Variants in EMILIN2 observed in about 807,000 individuals in gnomAD.
EMILIN2 encodes the protein elastin microfibril interfacer 2, also known as EMILIN-2.
A neutral mutation model predicts 87.1 loss-of-function variants in EMILIN2; 71 were observed. The observed-to-expected ratio is 0.82, with a 90% CI of 0.67 to 0.99. The LOEUF (loss-of-function observed/expected upper bound fraction) is 0.99. EMILIN2 is among the 50% of genes least tolerant of loss of function. EMILIN2 has a pLI of 0.00. For missense variants in EMILIN2, 1,407 were observed against 1,371.8 expected (o/e 1.03, Z -0.40); for synonymous variants, 581 against 563.4 (o/e 1.03, Z -0.44).
Position 2,891,927 on chromosome 18 carries a change from C to A in EMILIN2, c.1800C>A (p.Thr600=). 1 of 1,614,212 alleles carries A rather than the reference C, an allele frequency of 6.2e-7. No homozygotes were observed. Among genetic ancestry groups the A allele is most frequent in the Non-Finnish European group, 8.5e-7 (1 of 1,180,042 alleles). The part of the protein sequence containing the change: ...MHRKFQETEQ[T]IQKLQQDFSF... ...GGAAGTTTCAAGAAACCGAACAAAC[C>A]ATCCAGAAACTTCAACAGGATTTTA... The change falls in exon 4 of 8, where the codon ACC becomes ACA. Residue 600 remains threonine, a synonymous_variant. Transcript: ENST00000254528. The surrounding 1 kb of genome is among the most constrained non-coding windows in gnomAD (Gnocchi z 4.6).
upstream of EMILIN2, chr18:2,847,001 G>C: frequency 9.7e-7 from 1 of 1,034,806 alleles, no homozygotes; most frequent in South Asian, 3.0e-5. This position sits in a 1 kb window ranked among gnomAD's most constrained non-coding sequence, Gnocchi z 4.5. Flanking sequence ...GGCGCACGGG[G>C]CTGCAGAAGG....
chr18:2,875,245 C>G (rs1277289548), intron 2 of EMILIN2, among the ~76,000 whole-genome samples: 2 of 152,182 alleles, frequency 1.3e-5, no homozygotes, highest in Non-Finnish European at 2.9e-5. Context: ...TTCAGCAGCT[C>G]TGAATAGAAA....
At chr18:2,872,374 C>G (rs1405399693) in intron 2 of EMILIN2, among the ~76,000 whole-genome samples, 1 of 152,100 alleles carries the variant, frequency 6.6e-6, no homozygotes, top group African/African-American at 2.4e-5. Context: ...GAGATATAGT[C>G]TTTGAAATTG....
intron 2 of EMILIN2, among the ~76,000 whole-genome samples, chr18:2,861,572 G>T (rs552411313): frequency 6.6e-6 from 1 of 152,274 alleles, no homozygotes; most frequent in East Asian, 1.9e-4. Context: ...TGAGGGCTGT[G>T]TTCTGTTCCA....
At chr18:2,903,161 G>A (rs1304126538) in intron 4 of EMILIN2, among the ~76,000 whole-genome samples, 1 of 143,770 alleles carries the variant, frequency 7.0e-6, no homozygotes, top group South Asian at 2.5e-4. Flanking sequence ...AGATGGAGCT[G>A]ATCCAAGAAG....
At chr18:2,876,639 G>A (rs112860762) in intron 2 of EMILIN2, among the ~76,000 whole-genome samples, 85,574 of 135,592 alleles carry the variant, frequency 0.63, 25,647 homozygotes, top group East Asian at 0.91. Flanking sequence ...GGTGGCGGGC[G>A]CCTGTAGTCC....
chr18:2,847,997 T>C lies in EMILIN2; in HGVS notation c.257+66T>C, dbSNP rs1598482051. Reference sequence around the variant, plus strand: ...CCGGGGCGGTGGGGGTGGGGTGGGGTTGCTGCGCTGGGCTCCAGTCCCTCC... The same window carrying C: ...CCGGGGCGGTGGGGGTGGGGTGGGGCTGCTGCGCTGGGCTCCAGTCCCTCC... On this transcript the variant is annotated intron_variant, in intron 2 of 7. Transcript: ENST00000254528. The surrounding 1 kb of genome is among the most constrained non-coding windows in gnomAD (Gnocchi z 4.5). 1.3e-6 allele frequency: 2 copies of C among 1,485,884 alleles called. No individual in the cohort carries two copies. Among genetic ancestry groups the C allele is most frequent in the East Asian group, 5.0e-5 (2 of 40,190 alleles). The allele number at this position is 1,485,884 out of a possible 1,614,324, so 92.0% of individuals were successfully genotyped here.
intron 2 of EMILIN2, among the ~76,000 whole-genome samples, chr18:2,851,664 C>T (rs549734680): frequency 7.9e-5 from 12 of 152,278 alleles, no homozygotes; most frequent in South Asian, 6.2e-4. Flanking sequence ...AAGGATTAGA[C>T]GGTGCCCTGT....
intron 2 of EMILIN2, among the ~76,000 whole-genome samples, chr18:2,875,020 C>T (rs892009282): frequency 3.3e-5 from 5 of 152,158 alleles, no homozygotes; most frequent in African/African-American, 9.7e-5. Context: ...AGTGGATGGG[C>T]AGCTACATGC....
At chr18:2,903,656 T>G (rs1354097015) in intron 4 of EMILIN2, among the ~76,000 whole-genome samples, 1 of 152,222 alleles carries the variant, frequency 6.6e-6, no homozygotes, top group Non-Finnish European at 1.5e-5. Flanking sequence ...TACTTTTCTC[T>G]TAATTGGTAG....
chr18:2,882,236 TC>T (rs1256049513), intron 2 of EMILIN2, among the ~76,000 whole-genome samples: 2 of 152,208 alleles, frequency 1.3e-5, no homozygotes, highest in African/African-American at 4.8e-5. Context: ...CTCCTCATCC[TC>T]CCAACTGCCC....
chr18:2,871,592 G>C (rs1024333380), intron 2 of EMILIN2, among the ~76,000 whole-genome samples: 6 of 152,234 alleles, frequency 3.9e-5, no homozygotes, highest in Non-Finnish European at 5.9e-5. Flanking sequence ...TTCTGAGGAC[G>C]TGGAGATTTG....
chr18:2,909,400 ACACT>A (rs777863984), intron 6 of EMILIN2, among the ~76,000 whole-genome samples: 23 of 151,962 alleles, frequency 1.5e-4, no homozygotes, highest in South Asian at 1.4e-3. Context: ...GTGTGTGCAC[ACACT>A]CACACGCACA....
intron 2 of EMILIN2, among the ~76,000 whole-genome samples, chr18:2,861,458 C>T (rs923554884): frequency 5.9e-5 from 9 of 152,184 alleles, no homozygotes; most frequent in African/African-American, 2.2e-4. Flanking sequence ...TATGGCTAGC[C>T]AGTTTTCCCA....
At position 2,848,825 on chromosome 18, in the gene EMILIN2, G is replaced by C. The variant is rs1439121622; in HGVS notation, c.257+894G>C. On this transcript the variant is annotated intron_variant, in intron 2 of 7. Coordinates refer to ENST00000254528, the MANE Select transcript of EMILIN2 (RefSeq NM_032048.3). The surrounding 1 kb of genome is among the most constrained non-coding windows in gnomAD (Gnocchi z 4.1). ...AGAGCACAGTTGTCATTACAGCAGA[G>C]AATAGTCAGTAGGCGGATCTGTCTT... Among the ~76,000 whole-genome samples the C allele has an allele frequency of 6.6e-6, 1 of 152,194 alleles. No homozygotes were observed. Among genetic ancestry groups the C allele is most frequent in the African/African-American group, 2.4e-5 (1 of 41,438 alleles).
chr18:2,892,588 T>C, intron 4 of EMILIN2, 102 bp downstream of exon 4: 1 of 1,447,850 alleles, frequency 6.9e-7, no homozygotes, highest in South Asian at 1.4e-5. Flanking sequence ...TGAAACTTCA[T>C]GAGGTAAAAA....
In EMILIN2 at chr18:2,913,460, T is replaced by G. The variant is rs935469731; in HGVS notation, c.*56T>G. 2.2e-6 allele frequency: 3 copies of G among 1,389,758 alleles called. No individual in the cohort carries two copies. Among genetic ancestry groups the G allele is most frequent in the East Asian group, 4.6e-5 (2 of 43,418 alleles). The allele number at this position is 1,389,758 out of a possible 1,614,324, so 86.1% of individuals were successfully genotyped here. ...GATAGTTGTAAAAACTCTAAAGCTT[T>G]AATATATTCGGTTTGTATGTAATGG... On this transcript the variant is annotated 3_prime_UTR_variant, in exon 8 of 8. Coordinates refer to ENST00000254528, the MANE Select transcript of EMILIN2 (RefSeq NM_032048.3).
At chr18:2,887,593 C>T (rs678805) in intron 3 of EMILIN2, among the ~76,000 whole-genome samples, 42,518 of 151,986 alleles carry the variant, frequency 0.28, 7,598 homozygotes, top group Non-Finnish European at 0.38. Context: ...CACACTGGCC[C>T]TCTTTTCACC....
chr18:2,908,200 A>G (rs2144073102), intron 5 of EMILIN2, among the ~76,000 whole-genome samples: 1 of 152,206 alleles, frequency 6.6e-6, no homozygotes, highest in South Asian at 2.1e-4. Context: ...CTCTTGGGCT[A>G]TTTGTTCCCT....
Sources: gnomAD v4.1 joint callset for allele counts (sites outside exome capture counted in the v4.1 genomes callset) on GRCh38, gnomAD v4.1.1 for gene constraint, Gnocchi (gnomAD v3.1) non-coding constraint, MANE v1.5 for transcripts, NCBI Gene and HGNC (gene_info 2026-07-23, HGNC 2026-07-21) for gene names.